Variants in CDH9 observed in about 807,000 individuals in gnomAD.
CDH9 encodes cadherin-9.
In CDH9, 28 loss-of-function variants were observed where a neutral mutation model predicts 70.9. The ratio of observed to expected loss-of-function variants is 0.40; its 90% CI spans 0.29 to 0.54. The LOEUF (loss-of-function observed/expected upper bound fraction) is 0.54, where lower values mean the gene tolerates loss of function less well. Among genes scored for constraint, CDH9 ranks in the 20% least tolerant of loss-of-function variants. CDH9 has a pLI of 0.59. For missense variants in CDH9, 874 were observed against 984.4 expected, an observed-to-expected ratio of 0.89 and a Z score of 1.50; for synonymous variants, 409 against 343.1, an observed-to-expected ratio of 1.19 and a Z score of -2.12.
Position 26,885,607 on chromosome 5 carries a change from A to C in CDH9, c.1882+7T>G, listed in dbSNP as rs761555910. On this transcript the variant is annotated splice_region_variant and intron_variant, in intron 11 of 11. Transcript: ENST00000231021. ...GTTAAAGGATCATTCAGAGGGGCAG[A>C]GCTTACTAAGCAGTATGAGGACACA... 3 of 1,612,034 alleles carry C rather than the reference A, an allele frequency of 1.9e-6. No homozygotes were observed. Among genetic ancestry groups the C allele is most frequent in the Non-Finnish European group, 1.7e-6 (2 of 1,179,182 alleles).
rs945096092 is a variant in CDH9, at chr5:27,027,447, C to T, written c.-50+11016G>A. 2.6e-5 allele frequency among the ~76,000 whole-genome samples: 4 copies of T among 151,968 alleles called. No homozygotes were observed. The East Asian group carries it at 7.8e-4, about 29-fold the overall frequency. On this transcript the variant is annotated intron_variant, in intron 1 of 11. Coordinates refer to ENST00000231021, the MANE Select transcript of CDH9 (RefSeq NM_016279.4). ...TATAAAGAACCTGAACCATAACCAT[C>T]TTAAGAATAATGGTAGTCATTAAAG...
intron 2 of CDH9, among the ~76,000 whole-genome samples, chr5:26,955,887 T>C (rs1475399293): frequency 1.3e-5 from 2 of 152,174 alleles, no homozygotes; most frequent in African/African-American, 4.8e-5. Flanking sequence ...AAATCCTAGG[T>C]CTGCAAATTC....
intron 2 of CDH9, among the ~76,000 whole-genome samples, chr5:26,918,434 T>C (rs1207636740): frequency 9.9e-5 from 15 of 152,220 alleles, no homozygotes; most frequent in Admixed American, 9.8e-4. Flanking sequence ...GTAAAATACA[T>C]AAGGGAAAGA....
intron 2 of CDH9, among the ~76,000 whole-genome samples, chr5:26,975,619 T>C (rs1742292170): frequency 6.6e-6 from 1 of 152,192 alleles, no homozygotes; most frequent in South Asian, 2.1e-4. Context: ...GTTCAGGTTT[T>C]TCTCTTCACA....
At chr5:26,974,694 T>C (rs1742275445) in intron 2 of CDH9, among the ~76,000 whole-genome samples, 1 of 152,182 alleles carries the variant, frequency 6.6e-6, no homozygotes, top group Admixed American at 6.6e-5. Flanking sequence ...GGTATACAAA[T>C]GACAAATACA....
chr5:26,968,973 A>C (rs1742173420), intron 2 of CDH9, among the ~76,000 whole-genome samples: 2 of 152,326 alleles, frequency 1.3e-5, no homozygotes, highest in African/African-American at 4.8e-5. Context: ...GGTTATAAAT[A>C]TGTAGCTATT....
chr5:26,919,915 T>C (rs543388146), intron 2 of CDH9, among the ~76,000 whole-genome samples: 1 of 152,222 alleles, frequency 6.6e-6, no homozygotes, highest in East Asian at 1.9e-4. Context: ...GCTGTGGGCC[T>C]TGGGTAAGAC....
At chr5:27,023,287 C>A (rs1244757643) in intron 1 of CDH9, among the ~76,000 whole-genome samples, 2 of 151,980 alleles carry the variant, frequency 1.3e-5, no homozygotes, top group Non-Finnish European at 2.9e-5. Context: ...TAAATCAATT[C>A]TTTCTTCTTC....
intron 1 of CDH9, among the ~76,000 whole-genome samples, chr5:27,027,962 T>C (rs1350465179): frequency 1.3e-5 from 2 of 152,100 alleles, no homozygotes; most frequent in Non-Finnish European, 2.9e-5. Context: ...GCTGTAGTCT[T>C]TCTTCCAGTA....
intron 2 of CDH9, among the ~76,000 whole-genome samples, chr5:26,959,878 G>A (rs995101716): frequency 2.7e-5 from 4 of 146,526 alleles, no homozygotes; most frequent in African/African-American, 9.8e-5. Flanking sequence ...GGGGTACTAG[G>A]GCATGATTAT....
chr5:26,961,516 T>C (rs1211988200), intron 2 of CDH9, among the ~76,000 whole-genome samples: 1 of 152,120 alleles, frequency 6.6e-6, no homozygotes, highest in African/African-American at 2.4e-5. Flanking sequence ...GCATAAACTC[T>C]TTCTATGTCT....
At chr5:26,926,119 G>A (rs1265569305) in intron 2 of CDH9, among the ~76,000 whole-genome samples, 5 of 152,038 alleles carry the variant, frequency 3.3e-5, no homozygotes, top group African/African-American at 1.2e-4. Flanking sequence ...AATAAATAAA[G>A]CGTATTCAAT....
intron 1 of CDH9, among the ~76,000 whole-genome samples, chr5:27,003,730 G>GA (rs1186100513): frequency 6.6e-6 from 1 of 151,888 alleles, no homozygotes; most frequent in Admixed American, 6.6e-5. Flanking sequence ...AGAAATCTGA[G>GA]AAAATATCTT....
At chr5:26,927,266 G>A (rs1163537684) in intron 2 of CDH9, among the ~76,000 whole-genome samples, 1 of 151,932 alleles carries the variant, frequency 6.6e-6, no homozygotes, top group East Asian at 1.9e-4. Flanking sequence ...CACAACATGA[G>A]CCATATATGA....
At chr5:26,914,598 G>T (rs1042084695) in intron 3 of CDH9, among the ~76,000 whole-genome samples, 1 of 151,982 alleles carries the variant, frequency 6.6e-6, no homozygotes, top group Non-Finnish European at 1.5e-5. Context: ...CATTTCATTT[G>T]AGGTGAGAAT....
chr5:27,008,563 C>A (rs1428522916), intron 1 of CDH9, among the ~76,000 whole-genome samples: 2 of 151,676 alleles, frequency 1.3e-5, no homozygotes, highest in Non-Finnish European at 2.9e-5. Flanking sequence ...CAGTCTTTTT[C>A]TTTCAAAAAT....
At chr5:26,921,783 C>A (rs775762511) in intron 2 of CDH9, among the ~76,000 whole-genome samples, 22 of 151,798 alleles carry the variant, frequency 1.4e-4, no homozygotes, top group Non-Finnish European at 2.9e-4. Flanking sequence ...GTCTAAGAAC[C>A]GAGGACTCCA....
At chr5:26,931,025 A>G (rs1741453460) in intron 2 of CDH9, among the ~76,000 whole-genome samples, 1 of 152,164 alleles carries the variant, frequency 6.6e-6, no homozygotes, top group African/African-American at 2.4e-5. Flanking sequence ...TATTTCCACT[A>G]TAAAGATTTT....
At chr5:27,020,745 CACTA>C (rs142876927) in intron 1 of CDH9, among the ~76,000 whole-genome samples, 176 of 148,912 alleles carry the variant, frequency 1.2e-3, no homozygotes, top group African/African-American at 2.6e-3. Flanking sequence ...CACACACACA[CACTA>C]TATATATATA....
Sources: allele counts gnomAD v4.1 joint callset (sites outside exome capture counted in the v4.1 genomes callset), GRCh38; gene constraint gnomAD v4.1.1; transcripts MANE v1.5; gene names NCBI Gene and HGNC (gene_info 2026-07-23, HGNC 2026-07-21).